Variants in URI1 observed in about 807,000 individuals in gnomAD.
URI1 encodes unconventional prefoldin RPB5 interactor 1.
In URI1, 39 loss-of-function variants were observed where a neutral mutation model predicts 60.2. The observed-to-expected ratio is 0.65, with a 90% confidence interval of 0.50 to 0.85. URI1 has a LOEUF of 0.85. Ranked by LOEUF, URI1 falls within the 40% of genes least tolerant of loss-of-function variation. The pLI is 0.00. For missense variants in URI1, 691 were observed against 665.9 expected, an observed-to-expected ratio of 1.04 and a Z score of -0.42; for synonymous variants, 251 against 236.8, an observed-to-expected ratio of 1.06 and a Z score of -0.55.
At chr19:29,978,959 A>G (rs1297982555) in intron 2 of URI1, among the ~76,000 whole-genome samples, 1 of 152,176 alleles carries the variant, frequency 6.6e-6, no homozygotes, top group Non-Finnish European at 1.5e-5. Flanking sequence ...AACTATATGT[A>G]AAATATGAGT....
At chr19:29,981,383 G>A (rs932861740) in intron 2 of URI1, among the ~76,000 whole-genome samples, 29 of 151,772 alleles carry the variant, frequency 1.9e-4, no homozygotes, top group African/African-American at 6.8e-4. Flanking sequence ...ACAATTTTAT[G>A]CAAATGAGCT....
At chr19:29,958,362 T>C (rs772322358) in intron 1 of URI1, among the ~76,000 whole-genome samples, 35 of 152,258 alleles carry the variant, frequency 2.3e-4, no homozygotes, top group Middle Eastern at 3.2e-3. Context: ...AGTTGGCTTT[T>C]TGTAGCTACT....
chr19:29,970,936 T>C (rs1160059423), intron 1 of URI1, among the ~76,000 whole-genome samples: 1 of 152,116 alleles, frequency 6.6e-6, no homozygotes, highest in Non-Finnish European at 1.5e-5. Flanking sequence ...CTAATAGTTA[T>C]GAAGCGGGTT....
rs150550736 is a variant in URI1, at chr19:29,993,212, A to C, written c.367+6795A>C. On this transcript the variant is annotated intron_variant, in intron 4 of 10. Transcript: ENST00000392271. ...TAATGGCTATAGGCTTAGAGAAGAG[A>C]TCAGAAGCAGGAAGAATTTCTGAGC... Among the ~76,000 whole-genome samples the C allele has an allele frequency of 2.6e-5, 4 of 152,270 alleles. No homozygotes were observed. The East Asian group carries it at 7.7e-4, about 29-fold the overall frequency.
In URI1 at chr19:30,012,489, A is replaced by G. The variant is rs762145175; in HGVS notation, c.1383A>G (p.Gln461=). The G allele has an allele frequency of 1.2e-5, 20 of 1,614,246 alleles. No individual in the cohort carries two copies. The East Asian group carries it at 2.9e-4, about 23-fold the overall frequency. ...TSESILEEEP[Q]ENQKKLLPLS... ...AGAGCATTTTGGAAGAGGAACCACA[A>G]GAAAATCAAAAGAAACTTTTGCCCT... The change falls in exon 10 of 11, where the codon CAA becomes CAG. Residue 461 remains glutamine (Q), a synonymous_variant. Coordinates refer to ENST00000392271, the MANE Select transcript of URI1 (RefSeq NM_003796.3).
chr19:29,934,959 T>C (rs2054956278), intron 1 of URI1, among the ~76,000 whole-genome samples: 1 of 152,226 alleles, frequency 6.6e-6, no homozygotes, highest in African/African-American at 2.4e-5. Context: ...TAGAAATCCA[T>C]TCTATCAATC....
At position 29,998,844 on chromosome 19, in the gene URI1, TTTG is replaced by T. The variant is rs199497863; in HGVS notation, c.368-6514_368-6512del. On this transcript the variant is annotated intron_variant, in intron 4 of 10. Coordinates refer to ENST00000392271, the MANE Select transcript of URI1 (RefSeq NM_003796.3). ...CTGATGGGGGAAAGACTTTCGCTGT[TTTG>T]TTATTTTCTGCATGTTTTATAGCTT... Among the ~76,000 whole-genome samples, 323 of 152,228 alleles carry T rather than the reference TTTG, an allele frequency of 2.1e-3. 1 individual carries two copies. The highest frequency in any genetic ancestry group is 7.4e-3 in the African/African-American group (309 of 41,570).
intron 1 of URI1, among the ~76,000 whole-genome samples, chr19:29,943,496 A>T (rs1198880696): frequency 6.6e-6 from 1 of 152,222 alleles, no homozygotes; most frequent in Non-Finnish European, 1.5e-5. Flanking sequence ...ATTTGCTTAA[A>T]ATATTTTATG....
intron 2 of URI1, among the ~76,000 whole-genome samples, chr19:29,975,986 G>A (rs574175832): frequency 1.3e-5 from 2 of 152,204 alleles, no homozygotes; most frequent in South Asian, 2.1e-4. Flanking sequence ...GATTGTACCT[G>A]TTCATTTAAT....
chr19:29,985,614 G>A (rs1472020344), intron 3 of URI1, among the ~76,000 whole-genome samples: 1 of 151,974 alleles, frequency 6.6e-6, no homozygotes, highest in Admixed American at 6.5e-5. Context: ...TTTCTTGTTA[G>A]CCAGAGCAGG....
At chr19:30,011,782 A>C (rs1329243284) in intron 9 of URI1, among the ~76,000 whole-genome samples, 1 of 151,828 alleles carries the variant, frequency 6.6e-6, no homozygotes, top group Non-Finnish European at 1.5e-5. Flanking sequence ...TGCTATTGCC[A>C]CCTAGGACAT....
chr19:29,938,486 A>G (rs1050349959), upstream of URI1, among the ~76,000 whole-genome samples: 1 of 152,080 alleles, frequency 6.6e-6, no homozygotes, highest in Non-Finnish European at 1.5e-5. Context: ...ATTAGGGATC[A>G]CGTTTCAACA....
intron 1 of URI1, among the ~76,000 whole-genome samples, chr19:29,949,347 C>T (rs1377396465): frequency 2.7e-5 from 4 of 148,938 alleles, no homozygotes; most frequent in Non-Finnish European, 5.9e-5. Context: ...ACATCTCAGA[C>T]GATGGGCGGC....
intron 1 of URI1, among the ~76,000 whole-genome samples, chr19:29,951,219 G>A (rs1349924631): frequency 1.3e-5 from 2 of 152,130 alleles, no homozygotes; most frequent in Non-Finnish European, 2.9e-5. Context: ...TGTTTAAGAT[G>A]TCAAGTCTCT....
intron 2 of URI1, among the ~76,000 whole-genome samples, chr19:29,976,912 A>G (rs1013820681): frequency 6.6e-6 from 1 of 152,246 alleles, no homozygotes; most frequent in Non-Finnish European, 1.5e-5. Context: ...AAATTTAGAC[A>G]TAAAAGTTCT....
At chr19:29,975,695 G>A (rs1252157235) in intron 2 of URI1, among the ~76,000 whole-genome samples, 3 of 151,966 alleles carry the variant, frequency 2.0e-5, no homozygotes, top group South Asian at 2.1e-4. Context: ...TAGTAAAGAC[G>A]GGGTTTCACC....
chr19:29,989,486 C>A (rs566044593), intron 4 of URI1, among the ~76,000 whole-genome samples: 1 of 151,828 alleles, frequency 6.6e-6, no homozygotes, highest in African/African-American at 2.4e-5. Flanking sequence ...TGCAGTGGCG[C>A]GATGTCAGTT....
At chr19:29,975,500 C>CTTTTTT (rs10717602) in intron 2 of URI1, among the ~76,000 whole-genome samples, 5 of 72,362 alleles carry the variant, frequency 6.9e-5, no homozygotes, top group African/African-American at 1.0e-4. Flanking sequence ...GTTCTGTTTA[C>CTTTTTT]TTTTTTTTTT....
chr19:29,936,602 C>T (rs903039666), intron 1 of URI1, among the ~76,000 whole-genome samples: 1 of 152,140 alleles, frequency 6.6e-6, no homozygotes, highest in African/African-American at 2.4e-5. Context: ...ATGTTCATAT[C>T]CTTCATCAAA....
Sources: gnomAD v4.1 joint callset for allele counts (sites outside exome capture counted in the v4.1 genomes callset) on GRCh38, gnomAD v4.1.1 for gene constraint, MANE v1.5 for transcripts, NCBI Gene and HGNC (gene_info 2026-07-23, HGNC 2026-07-21) for gene names.